ASZ1: variants seen among roughly 807,000 people sequenced by gnomAD.
The protein encoded by ASZ1 is ankyrin repeat, SAM and basic leucine zipper domain containing 1, also known as ankyrin repeat, SAM and basic leucine zipper domain-containing protein 1.
In ASZ1, 67 loss-of-function variants were observed where a neutral mutation model predicts 61.8. That is an observed-to-expected ratio of 1.08 (90% CI 0.89 to 1.33). The LOEUF is 1.33. Among genes scored for constraint, ASZ1 ranks in the 40% most tolerant of loss-of-function variants. ASZ1 has a pLI of 0.00. For synonymous variants in ASZ1, 193 were observed against 192.7 expected, an observed-to-expected ratio of 1.00 and a Z score of -0.01; for missense variants, 577 against 554.5, an observed-to-expected ratio of 1.04 and a Z score of -0.41.
intron 4 of ASZ1, among the ~76,000 whole-genome samples, chr7:117,398,102 T>C (rs1796609799): frequency 6.6e-6 from 1 of 152,254 alleles, no homozygotes; most frequent in South Asian, 2.1e-4. Context: ...GTCATATTTT[T>C]ATATACAGTT....
intron 10 of ASZ1, among the ~76,000 whole-genome samples, chr7:117,379,418 C>A (rs936111911): frequency 3.1e-4 from 47 of 151,156 alleles, no homozygotes; most frequent in Non-Finnish European, 4.9e-4. Context: ...TTAATAAAAT[C>A]AAATATTATT....
intron 9 of ASZ1, 66 bp from the exon 10 acceptor site, chr7:117,380,113 G>T: frequency 9.8e-7 from 1 of 1,017,842 alleles, no homozygotes; most frequent in Non-Finnish European, 1.5e-6. Context: ...ACTCAAAATT[G>T]CTAAAGATGT....
At chr7:117,375,442 T>G (rs1796119470) in intron 10 of ASZ1, among the ~76,000 whole-genome samples, 1 of 152,112 alleles carries the variant, frequency 6.6e-6, no homozygotes, top group Non-Finnish European at 1.5e-5. Flanking sequence ...TCTTCATGTA[T>G]ATTAAGGCCC....
In ASZ1 at chr7:117,385,803, A is replaced by G. The variant is rs1482665569; in HGVS notation, c.447T>C (p.Leu149=). 1 of 1,609,670 alleles carries G rather than the reference A, an allele frequency of 6.2e-7. No individual in the cohort carries two copies. Among genetic ancestry groups the G allele is most frequent in the African/African-American group, 1.3e-5 (1 of 74,900 alleles). Residue 149 remains leucine, a synonymous_variant, in exon 5 of 13, where the codon CTT becomes CTC. Transcript: ENST00000284629. ...NADPNVACRR[L]MTPIMYAARD... ...GAGCAGCATACATGATTGGGGTCAT[A>G]AGTCTCCTAAGGAGGAGGAAGAAAG... is the stretch of plus-strand genomic sequence containing the variant.
At chr7:117,422,457 C>G (rs1797117688) in intron 2 of ASZ1, 98 bp from the exon 3 acceptor site, 2 of 1,300,488 alleles carry the variant, frequency 1.5e-6, no homozygotes, top group Non-Finnish European at 2.0e-6. Flanking sequence ...TGACGTACAT[C>G]ATGTACTTTA....
intron 4 of ASZ1, among the ~76,000 whole-genome samples, chr7:117,417,601 C>T (rs931775045): frequency 6.6e-6 from 1 of 152,176 alleles, no homozygotes; most frequent in African/African-American, 2.4e-5. Context: ...AGCACGCTAT[C>T]CCACCATGTC....
chr7:117,391,123 CT>C (rs199605106), intron 4 of ASZ1, among the ~76,000 whole-genome samples: 173 of 143,988 alleles, frequency 1.2e-3, no homozygotes, highest in Admixed American at 1.5e-3. Context: ...GCTTGTATGT[CT>C]TTTTTTTTTT....
At position 117,363,295 on chromosome 7, in the gene ASZ1, A is replaced by G. The variant is rs1311623797; in HGVS notation, c.*301T>C. ...GTACGATTCACTGACAAATGAACACACTTTAAAAAATGTCAAAGATATTAG... is the reference window on the plus strand; with the variant it reads ...GTACGATTCACTGACAAATGAACACGCTTTAAAAAATGTCAAAGATATTAG... On this transcript the variant is annotated 3_prime_UTR_variant, in exon 13 of 13. Transcript: ENST00000284629. 1.1e-5 allele frequency: 2 copies of G among 174,418 alleles called. No homozygotes were observed. The highest frequency in any genetic ancestry group is 2.4e-5 in the African/African-American group (1 of 42,492). 10.8% of individuals were successfully genotyped at this position (174,418 alleles called of 1,614,324 possible). A position where few individuals can be genotyped will look rare whatever the true frequency, so the allele number is the denominator to read the frequency against.
At chr7:117,403,153 T>C (rs1344020765) in intron 4 of ASZ1, among the ~76,000 whole-genome samples, 1 of 152,106 alleles carries the variant, frequency 6.6e-6, no homozygotes, top group Non-Finnish European at 1.5e-5. Flanking sequence ...TTTGGGGCAA[T>C]GGGGATGCTG....
At chr7:117,404,906 C>G (rs142536087) in intron 4 of ASZ1, among the ~76,000 whole-genome samples, 34 of 152,206 alleles carry the variant, frequency 2.2e-4, no homozygotes, top group African/African-American at 7.5e-4. Context: ...ATAGTATTCT[C>G]TACCCCTACA....
chr7:117,415,192 A>G (rs1796966887), intron 4 of ASZ1, among the ~76,000 whole-genome samples: 1 of 152,220 alleles, frequency 6.6e-6, no homozygotes, highest in African/African-American at 2.4e-5. Flanking sequence ...TCTATCTGGC[A>G]TGAGATGGTA....
intron 10 of ASZ1, among the ~76,000 whole-genome samples, chr7:117,371,493 TATTTA>T: frequency 6.6e-6 from 1 of 152,204 alleles, no homozygotes; most frequent in Non-Finnish European, 1.5e-5. Flanking sequence ...ACTCTTGTTC[TATTTA>T]GCAGTAAGTA....
intron 4 of ASZ1, among the ~76,000 whole-genome samples, chr7:117,397,910 C>G (rs944477989): frequency 1.3e-5 from 2 of 152,256 alleles, no homozygotes; most frequent in Non-Finnish European, 2.9e-5. Context: ...TGGTTGTCCA[C>G]AGGCGAACTC....
Position 117,380,014 on chromosome 7 carries a change from G to C in ASZ1, c.979C>G (p.Leu327Val). The change falls in exon 10 of 13, where the codon CTG becomes GTG. Residue 327 changes from leucine to valine, a missense_variant. Transcript: ENST00000284629. ...GITSKDQQKI[L>V]AALKELQVEE... The stretch of plus-strand genomic sequence containing the variant: ...ACCTGTAGTTCTTTAAGAGCAGCCA[G>C]AATTTTCTGCTGGTCTTTACTGGTA... The C allele has an allele frequency of 6.2e-7, 1 of 1,605,496 alleles. No homozygotes were observed. Among genetic ancestry groups the C allele is most frequent in the Admixed American group, 1.7e-5 (1 of 59,802 alleles).
intron 1 of ASZ1, 42 bp downstream of exon 1, chr7:117,427,314 G>C (rs1584748674): frequency 1.2e-6 from 2 of 1,602,668 alleles, no homozygotes; most frequent in Non-Finnish European, 1.7e-6. Flanking sequence ...GGCCAGGGGA[G>C]GCTGAAACCA....
intron 10 of ASZ1, among the ~76,000 whole-genome samples, chr7:117,373,534 A>C (rs1796086030): frequency 6.6e-6 from 1 of 152,198 alleles, no homozygotes; most frequent in Admixed American, 6.6e-5. Context: ...TTACCAGGAG[A>C]TTATAATCAA....
chr7:117,376,929 T>C (rs1349067798), intron 10 of ASZ1, among the ~76,000 whole-genome samples: 2 of 152,050 alleles, frequency 1.3e-5, no homozygotes, highest in Non-Finnish European at 2.9e-5. Context: ...CTGAAAGTCT[T>C]ACCCACTGCC....
At chr7:117,423,350 A>G (rs10487365) in intron 2 of ASZ1, among the ~76,000 whole-genome samples, 16,995 of 152,048 alleles carry the variant, frequency 0.11, 1,507 homozygotes, top group East Asian at 0.44. Flanking sequence ...GTACATAATA[A>G]TCACTGGGAG....
intron 5 of ASZ1, among the ~76,000 whole-genome samples, chr7:117,385,334 A>G (rs1406668419): frequency 6.6e-6 from 1 of 151,770 alleles, no homozygotes; most frequent in African/African-American, 2.4e-5. Context: ...ATCTTGGCTC[A>G]CTACAACCTC....
Sources: gnomAD v4.1 joint callset for allele counts (sites outside exome capture counted in the v4.1 genomes callset) on GRCh38, gnomAD v4.1.1 for gene constraint, MANE v1.5 for transcripts, NCBI Gene and HGNC (gene_info 2026-07-23, HGNC 2026-07-21) for gene names.